The following PPL variants were observed in gnomAD, a reference collection of about 807,000 sequenced individuals.
PPL encodes the protein 190 kDa paraneoplastic pemphigus antigen.
PPL carries 198 observed loss-of-function variants against 194.4 expected under a neutral mutation model. The ratio of observed to expected loss-of-function variants is 1.02; its 90% CI spans 0.91 to 1.15. The LOEUF (loss-of-function observed/expected upper bound fraction) is 1.15. Among genes scored for constraint, PPL ranks in the 50% most tolerant of loss-of-function variants. The pLI is 0.00. For missense variants in PPL, 2,885 were observed against 2,294.8 expected (o/e 1.26, Z -5.25); for synonymous variants, 1,220 against 972.4 (o/e 1.25, Z -4.74).
In PPL at chr16:4,885,373, G is replaced by A. The variant is rs772566466; in HGVS notation, c.3282C>T (p.Leu1094=). 1 of 1,612,654 alleles carries A rather than the reference G, an allele frequency of 6.2e-7. No individual in the cohort carries two copies. The highest frequency in any genetic ancestry group is 8.5e-7 in the Non-Finnish European group (1 of 1,179,950). ...TCTCTAGCCTCTTGAGCTTGTCCTG[G>A]AGGAAGCTCAGCTCCTCCTCCTGCT... ...REKQEEELSF[L]QDKLKRLEKE... The change falls in exon 22 of 22, where the codon CTC becomes CTT. Residue 1094 remains leucine (L), a synonymous_variant. Transcript: ENST00000345988. This position sits in a 1 kb window ranked among gnomAD's most constrained non-coding sequence, Gnocchi z 6.3.
chr16:4,932,695 G>A (rs1021109063), intron 1 of PPL, among the ~76,000 whole-genome samples: 7 of 152,192 alleles, frequency 4.6e-5, no homozygotes, highest in Non-Finnish European at 8.8e-5. Flanking sequence ...TGGGATTACA[G>A]GCGTGAGCTA....
rs1306628511 is a variant in PPL at position 4,891,791 on chromosome 16, G to C, written c.1968+20C>G. On this transcript the variant is annotated intron_variant, in intron 16 of 21. Transcript: ENST00000345988. ...CACCTGCTCAGAGAAGGACTCCCAG[G>C]ACTTGGGCCCTAGACTCACCGCCAG... is the stretch of plus-strand genomic sequence containing the variant. 6.3e-7 allele frequency: 1 copy of C among 1,595,154 alleles called. No individual in the cohort carries two copies. The highest frequency in any genetic ancestry group is 8.5e-7 in the Non-Finnish European group (1 of 1,171,566).
At chr16:4,907,004 C>G (rs12709121) in intron 2 of PPL, among the ~76,000 whole-genome samples, 140,392 of 151,050 alleles carry the variant, frequency 0.93, 65,601 homozygotes, top group East Asian at 0.99. Flanking sequence ...CAGCACTCTG[C>G]GAGGCCCAGG....
At chr16:4,889,992 G>A (rs1247790807) in intron 18 of PPL, among the ~76,000 whole-genome samples, 192 bp downstream of exon 18, 1 of 152,254 alleles carries the variant, frequency 6.6e-6, no homozygotes, top group Non-Finnish European at 1.5e-5. Context: ...GGAGAGGTGA[G>A]CGACACACTC....
intron 1 of PPL, among the ~76,000 whole-genome samples, chr16:4,932,666 C>T (rs938969767): frequency 2.6e-5 from 4 of 152,130 alleles, no homozygotes; most frequent in Non-Finnish European, 4.4e-5. Context: ...GATCCGTCCG[C>T]CTTACCCTCT....
Position 4,895,239 on chromosome 16 carries a change from C to CA in PPL, c.1242+21dup, listed in dbSNP as rs1438995500. Reference sequence around the variant, plus strand: ...CCCAAAAACTTTGTAGTGATGTGAACAGAGGAGCTGGCCCCACGCACCTGC... The same window carrying CA: ...CCCAAAAACTTTGTAGTGATGTGAACAAGAGGAGCTGGCCCCACGCACCTGC... On this transcript the variant is annotated intron_variant, in intron 11 of 21. Transcript: ENST00000345988. 5 of 1,590,108 alleles carry CA rather than the reference C, an allele frequency of 3.1e-6. No homozygotes were observed. The South Asian group carries it at 5.6e-5, about 18-fold the overall frequency.
In PPL at chr16:4,884,112, CTT is replaced by C. The variant is rs769294432; in HGVS notation, c.4541_4542del (p.Gln1514ArgfsTer37). ...SVQVEKGDTE[Q>X]EIQRLKSSLE... ...AGGCTGCTCTTGAGCCTCTGGATCT[CTT>C]GCTCGGTGTCGCCCTTCTCCACCTG... On this transcript the variant is annotated frameshift_variant, in exon 22 of 22. Coordinates refer to ENST00000345988, the MANE Select transcript of PPL (RefSeq NM_002705.5). LOFTEE classifies it high-confidence loss of function. This position sits in a 1 kb window ranked among gnomAD's most constrained non-coding sequence, Gnocchi z 5.7. 1 of 1,613,454 alleles carries C rather than the reference CTT, an allele frequency of 6.2e-7. No individual in the cohort carries two copies. Among genetic ancestry groups the C allele is most frequent in the Non-Finnish European group, 8.5e-7 (1 of 1,179,978 alleles).
At chr16:4,922,329 A>T (rs2089066010) in intron 1 of PPL, among the ~76,000 whole-genome samples, 1 of 152,174 alleles carries the variant, frequency 6.6e-6, no homozygotes, top group African/African-American at 2.4e-5. Context: ...ACCTGGGTCC[A>T]CCATCCAGGG....
At position 4,895,806 on chromosome 16, in the gene PPL, G is replaced by A. The variant is rs963360516; in HGVS notation, c.973-90C>T. 3.8e-6 allele frequency: 6 copies of A among 1,573,400 alleles called. No homozygotes were observed. In the African/African-American group the frequency reaches 6.8e-5, roughly 18 times the overall value. ...GGCTTCAAGCTCATCCCTCAGGCGGGGCTGGGCCTCCGGTTCACCTGGAGT... is the reference window on the plus strand; with the variant it reads ...GGCTTCAAGCTCATCCCTCAGGCGGAGCTGGGCCTCCGGTTCACCTGGAGT... On this transcript the variant is annotated intron_variant, in intron 9 of 21. Coordinates refer to ENST00000345988, the MANE Select transcript of PPL (RefSeq NM_002705.5).
chr16:4,910,867 C>T lies in PPL; in HGVS notation c.145G>A (p.Glu49Lys). The T allele has an allele frequency of 1.9e-6, 3 of 1,614,028 alleles. No individual in the cohort carries two copies. The highest frequency in any genetic ancestry group is 2.5e-6 in the Non-Finnish European group (3 of 1,180,022). Residue 49 changes from glutamate to lysine, a missense_variant, in exon 2 of 22, where the codon GAG (glutamate) becomes AAG (lysine). Transcript: ENST00000345988. ...DQVEKNIVDTEAKMQSDLARL... is the reference protein window; with the variant it reads ...DQVEKNIVDTKAKMQSDLARL... The stretch of plus-strand genomic sequence containing the variant: ...GCACTCACACTCTGCATCTTGGCCT[C>T]TGTGTCCACGATGTTCTTCTCCACC...
chr16:4,892,851 A>G (rs551427770), intron 14 of PPL: 191 of 195,120 alleles, frequency 9.8e-4, no homozygotes, highest in African/African-American at 3.9e-3. Flanking sequence ...AGCAGGGCCA[A>G]CCCATCCTAC....
intron 14 of PPL, 35 bp downstream of exon 14, chr16:4,893,178 C>T (rs1181014290): frequency 1.3e-6 from 2 of 1,500,946 alleles, no homozygotes; most frequent in Middle Eastern, 4.7e-4. Context: ...TGCAGGGCTC[C>T]CCCGGCCCCA....
chr16:4,930,078 T>C (rs2089208264), intron 1 of PPL, among the ~76,000 whole-genome samples: 1 of 152,250 alleles, frequency 6.6e-6, no homozygotes, highest in Non-Finnish European at 1.5e-5. Flanking sequence ...TATGCAAGCA[T>C]CATCTTTGCA....
intron 20 of PPL, 106 bp from the exon 21 acceptor site, chr16:4,887,333 G>T (rs767854997): frequency 3.5e-6 from 3 of 848,580 alleles, no homozygotes; most frequent in African/African-American, 1.7e-5. Flanking sequence ...GTGGAATTTG[G>T]GGGTAGAGGC....
intron 12 of PPL, 61 bp downstream of exon 12, chr16:4,894,406 G>A: frequency 6.3e-7 from 1 of 1,581,536 alleles, no homozygotes; most frequent in Non-Finnish European, 8.6e-7. Flanking sequence ...GCTATGAATG[G>A]GGCCTGAGAA....
At chr16:4,910,458 G>C (rs1203236604) in intron 2 of PPL, among the ~76,000 whole-genome samples, 1 of 152,172 alleles carries the variant, frequency 6.6e-6, no homozygotes, top group Non-Finnish European at 1.5e-5. Flanking sequence ...CAAGGACAAG[G>C]CTGGGCTGTT....
chr16:4,894,391 C>A lies in PPL; in HGVS notation c.1394+76G>T, dbSNP rs28669224. On this transcript the variant is annotated intron_variant, in intron 12 of 21. Transcript: ENST00000345988. Reference sequence around the variant, plus strand: ...CTCCCCACAGGCTGAGTCCAAATCCCCGGGGCTATGAATGGGGCCTGAGAA... The same window carrying A: ...CTCCCCACAGGCTGAGTCCAAATCCACGGGGCTATGAATGGGGCCTGAGAA... 1.2e-3 allele frequency: 1,914 copies of A among 1,558,798 alleles called. 26 individuals carry two copies. The African/African-American group carries it at 0.023, about 19-fold the overall frequency.
At chr16:4,927,074 G>A (rs1471625366) in intron 1 of PPL, among the ~76,000 whole-genome samples, 1 of 152,140 alleles carries the variant, frequency 6.6e-6, no homozygotes, top group Non-Finnish European at 1.5e-5. Flanking sequence ...CTATGGTGGA[G>A]TAGGTTCAAA....
At chr16:4,931,195 C>G (rs2089221202) in intron 1 of PPL, among the ~76,000 whole-genome samples, 1 of 152,120 alleles carries the variant, frequency 6.6e-6, no homozygotes, top group South Asian at 2.1e-4. Context: ...GAGACCCCAT[C>G]TCTACAAATA....
Sources: gnomAD v4.1 joint callset for allele counts (sites outside exome capture counted in the v4.1 genomes callset) on GRCh38, gnomAD v4.1.1 for gene constraint, Gnocchi (gnomAD v3.1) non-coding constraint, MANE v1.5 for transcripts, NCBI Gene and HGNC (gene_info 2026-07-23, HGNC 2026-07-21) for gene names.